The following WFDC9 variants were observed in gnomAD, a reference collection of about 807,000 sequenced individuals.
WFDC9 encodes the protein protein WFDC9.
Under a neutral mutation model 9.5 loss-of-function variants are expected in WFDC9, and 9 were observed. That is an observed-to-expected ratio of 0.95 (90% CI 0.57 to 1.65). The LOEUF (loss-of-function observed/expected upper bound fraction) is 1.65, where lower values mean the gene tolerates loss of function less well. Ranked by LOEUF, WFDC9 falls within the 40% of genes most tolerant of loss-of-function variation. The pLI, the probability that WFDC9 is intolerant of heterozygous loss-of-function variation, is 0.00. For missense variants in WFDC9, 87 were observed against 106.7 expected (o/e 0.82, Z 0.81); for synonymous variants, 33 against 32.3 (o/e 1.02, Z -0.07).
intron 2 of WFDC9, among the ~76,000 whole-genome samples, chr20:45,612,684 C>T (rs889070337): frequency 3.3e-5 from 5 of 151,896 alleles, no homozygotes; most frequent in Non-Finnish European, 7.4e-5. Flanking sequence ...GAAAGTACTC[C>T]CATTAAAATT....
At position 45,619,983 on chromosome 20, in the gene WFDC9, GC is replaced by G. The variant is rs1249814717; in HGVS notation, c.-152-5263del. ...GGAGGTTGCAGTGAGTCGAGATCAT[GC>G]CATTGCACTATAGCCTGGGTCACAG... is the stretch of plus-strand genomic sequence containing the variant. On this transcript the variant is annotated intron_variant, in intron 1 of 4. Coordinates refer to ENST00000326000, the MANE Select transcript of WFDC9 (RefSeq NM_147198.4). 2.0e-5 allele frequency among the ~76,000 whole-genome samples: 3 copies of G among 151,938 alleles called. No individual in the cohort carries two copies. In the East Asian group the frequency reaches 5.8e-4, roughly 30 times the overall value.
At chr20:45,618,407 C>T (rs1982019314) in intron 1 of WFDC9, among the ~76,000 whole-genome samples, 2 of 152,244 alleles carry the variant, frequency 1.3e-5, no homozygotes, top group Non-Finnish European at 2.9e-5. Flanking sequence ...TTTGCATTCA[C>T]AACTTGGCTG....
intron 1 of WFDC9, among the ~76,000 whole-genome samples, chr20:45,620,391 A>G (rs1246454489): frequency 1.3e-5 from 2 of 152,160 alleles, no homozygotes; most frequent in Non-Finnish European, 2.9e-5. Flanking sequence ...CAGGAGTTCA[A>G]GACCAGCCTG....
At position 45,608,779 on chromosome 20, in the gene WFDC9, G is replaced by A. The variant is rs770743111; in HGVS notation, c.123C>T (p.Cys41=). ...AGTACTTATATGGAGGCTGTACCCA[G>A]CACTGCTCAGTTTCTCTTATCATAT... The part of the protein sequence containing the change: ...FLDMIRETEQ[C]WVQPPYKYCE... The change falls in exon 4 of 5, where the codon TGC becomes TGT. Residue 41 remains cysteine, a synonymous_variant. Transcript: ENST00000326000. The A allele has an allele frequency of 1.6e-5, 26 of 1,613,430 alleles. No individual in the cohort carries two copies. Among genetic ancestry groups the A allele is most frequent in the Non-Finnish European group, 2.2e-5 (26 of 1,179,694 alleles).
chr20:45,621,382 C>T (rs1175745790), intron 1 of WFDC9, among the ~76,000 whole-genome samples: 1 of 152,186 alleles, frequency 6.6e-6, no homozygotes, highest in Non-Finnish European at 1.5e-5. Context: ...TTAGACAACA[C>T]CAAACTTTAT....
At chr20:45,626,314 T>G (rs1474948255) in intron 1 of WFDC9, among the ~76,000 whole-genome samples, 1 of 152,214 alleles carries the variant, frequency 6.6e-6, no homozygotes, top group Non-Finnish European at 1.5e-5. Flanking sequence ...AGGATTTATT[T>G]TATATTACTG....
chr20:45,612,403 A>G (rs745700936), intron 2 of WFDC9, among the ~76,000 whole-genome samples: 4 of 152,158 alleles, frequency 2.6e-5, no homozygotes, highest in Non-Finnish European at 5.9e-5. Context: ...AGTGGTGAAC[A>G]AAACAGACAA....
intron 2 of WFDC9, among the ~76,000 whole-genome samples, chr20:45,611,606 A>T (rs1981861034): frequency 1.3e-5 from 2 of 152,190 alleles, no homozygotes; most frequent in Admixed American, 6.5e-5. Flanking sequence ...TCATTTCCTC[A>T]TATCATCAAG....
chr20:45,610,187 T>C lies in WFDC9; in HGVS notation c.-6A>G. The C allele has an allele frequency of 6.2e-7, 1 of 1,613,646 alleles. No individual in the cohort carries two copies. Among genetic ancestry groups the C allele is most frequent in the Non-Finnish European group, 8.5e-7 (1 of 1,179,708 alleles). On this transcript the variant is annotated 5_prime_UTR_variant, in exon 3 of 5. Transcript: ENST00000326000. ...AGAAGAATCCAGGGCTTCATGGTGC[T>C]CTCTGTGTGTATTTGGGTTAAGTTC...
At chr20:45,609,186 A>G (rs1351819080) in intron 3 of WFDC9, among the ~76,000 whole-genome samples, 1 of 151,408 alleles carries the variant, frequency 6.6e-6, no homozygotes, top group Non-Finnish European at 1.5e-5. Flanking sequence ...GAGAATAGAA[A>G]CTTACTTTTT....
rs1981766777 is a variant in WFDC9 at position 45,608,029 on chromosome 20, G to C, written c.*81C>G. 2 of 1,508,702 alleles carry C rather than the reference G, an allele frequency of 1.3e-6. No homozygotes were observed. Among genetic ancestry groups the C allele is most frequent in the East Asian group, 2.3e-5 (1 of 44,324 alleles). The allele number at this position is 1,508,702 out of a possible 1,614,324, so 93.5% of individuals were successfully genotyped here. A position where few individuals can be genotyped will look rare whatever the true frequency, so the allele number is the denominator to read the frequency against. On this transcript the variant is annotated 3_prime_UTR_variant, in exon 5 of 5. Coordinates refer to ENST00000326000, the MANE Select transcript of WFDC9 (RefSeq NM_147198.4). ...AGGTTACCAGCTAGAGCCAGTGGGT[G>C]TCCCAAGAAGGAAGTAGGCAGCACT...
chr20:45,615,406 C>T (rs1981950281), intron 1 of WFDC9, among the ~76,000 whole-genome samples: 1 of 152,126 alleles, frequency 6.6e-6, no homozygotes, highest in East Asian at 1.9e-4. Context: ...AGGGGTAAAC[C>T]TTCTCTCAAA....
intron 1 of WFDC9, among the ~76,000 whole-genome samples, chr20:45,626,786 T>C (rs1982227731): frequency 2.0e-5 from 3 of 152,204 alleles, no homozygotes. Flanking sequence ...TCTTTCATGA[T>C]TGATCTAACT....
intron 1 of WFDC9, among the ~76,000 whole-genome samples, chr20:45,628,630 AG>A (rs1982277955): frequency 6.6e-6 from 1 of 152,202 alleles, no homozygotes; most frequent in African/African-American, 2.4e-5. Context: ...TGTAAACTAT[AG>A]GTACAAATAT....
intron 3 of WFDC9, 68 bp downstream of exon 3, chr20:45,610,023 C>G (rs1981824971): frequency 7.9e-7 from 1 of 1,260,822 alleles, no homozygotes; most frequent in African/African-American, 1.5e-5. Flanking sequence ...GACATGCAGG[C>G]CCTGGATCAG....
chr20:45,621,892 G>A lies in WFDC9; in HGVS notation c.-152-7171C>T, dbSNP rs138420029. 3.5e-3 allele frequency among the ~76,000 whole-genome samples: 531 copies of A among 152,218 alleles called. 1 individual carries two copies. The highest frequency in any genetic ancestry group is 0.012 in the African/African-American group (498 of 41,526). ...TAGTCTTTCACTGTAATAAATCATA[G>A]CTGCAAGAAAAACCATGTGCTGAGT... is the stretch of plus-strand genomic sequence containing the variant. On this transcript the variant is annotated intron_variant, in intron 1 of 4. Transcript: ENST00000326000.
intron 1 of WFDC9, among the ~76,000 whole-genome samples, chr20:45,619,703 G>C (rs529251118): frequency 2.0e-5 from 3 of 152,168 alleles, no homozygotes; most frequent in African/African-American, 7.2e-5. Context: ...GTATTGATAG[G>C]CTTAAAACAT....
chr20:45,631,109 C>A (rs976200428), intron 1 of WFDC9, 94 bp downstream of exon 1: 24 of 1,418,574 alleles, frequency 1.7e-5, no homozygotes, highest in Middle Eastern at 2.0e-4. Context: ...CTCAAGTCAC[C>A]AGCATAAGAA....
chr20:45,610,059 C>T (rs764157450), intron 3 of WFDC9, 32 bp downstream of exon 3: 2 of 1,577,400 alleles, frequency 1.3e-6, no homozygotes, highest in East Asian at 2.2e-5. Flanking sequence ...CAGGACTGGG[C>T]AGAGCACCCC....
Sources: allele counts gnomAD v4.1 joint callset (sites outside exome capture counted in the v4.1 genomes callset), GRCh38; gene constraint gnomAD v4.1.1; transcripts MANE v1.5; gene names NCBI Gene and HGNC (gene_info 2026-07-23, HGNC 2026-07-21).